Variants in EHBP1L1 observed in about 807,000 individuals in gnomAD.
The protein encoded by EHBP1L1 is EH domain-binding protein 1-like protein 1.
A neutral mutation model predicts 151.1 loss-of-function variants in EHBP1L1; 122 were observed. The ratio of observed to expected loss-of-function variants is 0.81; its 90% CI spans 0.70 to 0.94. The LOEUF (loss-of-function observed/expected upper bound fraction) is 0.94. EHBP1L1 is among the 40% of genes least tolerant of loss of function. The probability of loss-of-function intolerance (pLI) is 0.00; values close to 1 mark genes in which losing one functional copy is unlikely to be tolerated. For synonymous variants in EHBP1L1, 878 were observed against 810.1 expected (o/e 1.08, Z -1.42); for missense variants, 1,941 against 1,959.8 (o/e 0.99, Z 0.18).
rs1217032386 is a variant in EHBP1L1, at chr11:65,592,621, A to G, written c.*319A>G. On this transcript the variant is annotated 3_prime_UTR_variant, in exon 19 of 19. Transcript: ENST00000309295. ...GCGCTGGCTTGCCCTCCTGTTCTCC[A>G]GAGCAATAAAGTTGGACGAGACTAC... is the stretch of plus-strand genomic sequence containing the variant. 3 of 248,622 alleles carry G rather than the reference A, an allele frequency of 1.2e-5. No homozygotes were observed. The highest frequency in any genetic ancestry group is 2.4e-5 in the Non-Finnish European group (3 of 127,338). 15.4% of individuals were successfully genotyped at this position (248,622 alleles called of 1,614,324 possible). A position where few individuals can be genotyped will look rare whatever the true frequency, so the allele number is the denominator to read the frequency against.
rs562185657 is a variant in EHBP1L1 at position 65,584,226 on chromosome 11, C to G, written c.3094-15C>G. ...CCCATTTATACATTCCCTAAGCCCACCCCTGTGTCCTCAGGCACCACCTGC... is the reference window on the plus strand; with the variant it reads ...CCCATTTATACATTCCCTAAGCCCAGCCCTGTGTCCTCAGGCACCACCTGC... On this transcript the variant is annotated splice_polypyrimidine_tract_variant and intron_variant, in intron 9 of 18. Transcript: ENST00000309295. 1 of 1,604,038 alleles carries G rather than the reference C, an allele frequency of 6.2e-7. No individual in the cohort carries two copies. Among genetic ancestry groups the G allele is most frequent in the South Asian group, 1.1e-5 (1 of 89,904 alleles).
intron 1 of EHBP1L1, among the ~76,000 whole-genome samples, chr11:65,576,730 G>C (rs1186420247): frequency 6.6e-6 from 1 of 152,158 alleles, no homozygotes; most frequent in Non-Finnish European, 1.5e-5. Context: ...AGGTGGTTCA[G>C]GGTGGCATTG....
In EHBP1L1 at chr11:65,580,001, G is replaced by T; in HGVS notation, c.312+12G>T. 1 of 1,613,898 alleles carries T rather than the reference G, an allele frequency of 6.2e-7. No individual in the cohort carries two copies. Among genetic ancestry groups the T allele is most frequent in the Non-Finnish European group, 8.5e-7 (1 of 1,179,864 alleles). ...TTATTATTGAAAATGTGAGTGTCTG[G>T]AGTGGGCTCAGGTCTGGAATCTTGG... On this transcript the variant is annotated intron_variant, in intron 4 of 18. Coordinates refer to ENST00000309295, the MANE Select transcript of EHBP1L1 (RefSeq NM_001099409.3).
In EHBP1L1 at chr11:65,591,789, C is replaced by CCCCCCAAACCA; in HGVS notation, c.4284-10_4284-9insCCCCAAACCAC. The CCCCCCAAACCA allele has an allele frequency of 6.5e-7, 1 of 1,540,440 alleles. No individual in the cohort carries two copies. The highest frequency in any genetic ancestry group is 8.8e-7 in the Non-Finnish European group (1 of 1,140,910). On this transcript the variant is annotated splice_polypyrimidine_tract_variant and intron_variant, in intron 16 of 18. Transcript: ENST00000309295. ...CCACCCCCCCGCCACCCACCCCCCG[C>CCCCCCAAACCA]CACCTTCCAGCATGGAGGAGCAGGA...
At chr11:65,579,580 A>G in intron 3 of EHBP1L1, 144 bp downstream of exon 3, 1 of 698,426 alleles carries the variant, frequency 1.4e-6, no homozygotes, top group East Asian at 2.8e-5. Context: ...CCTGCTCAGC[A>G]TCACTGGCCC....
intron 12 of EHBP1L1, among the ~76,000 whole-genome samples, chr11:65,587,372 A>AAC (rs1858027687): frequency 7.8e-6 from 1 of 128,390 alleles, no homozygotes; most frequent in African/African-American, 3.8e-5. Context: ...ACTCCGTCTC[A>AAC]AAAAAAAAAA....
intron 12 of EHBP1L1, 143 bp from the exon 13 acceptor site, chr11:65,589,608 A>C: frequency 1.5e-6 from 2 of 1,315,436 alleles, no homozygotes; most frequent in Non-Finnish European, 2.0e-6. Flanking sequence ...GGTTCTGTGC[A>C]TGCAGGACTA....
At chr11:65,591,564 C>T (rs1048183934) in intron 16 of EHBP1L1, 6 of 596,494 alleles carry the variant, frequency 1.0e-5, no homozygotes, top group South Asian at 5.9e-5. Context: ...CTTCGGGGGT[C>T]CTTCTGGGGG....
At chr11:65,577,545 G>A (rs904009557) in intron 1 of EHBP1L1, among the ~76,000 whole-genome samples, 8 of 152,166 alleles carry the variant, frequency 5.3e-5, no homozygotes, top group African/African-American at 1.9e-4. Flanking sequence ...AGTCACAGGC[G>A]GCTGTGGGTA....
Position 65,579,341 on chromosome 11 carries a change from G to GC in EHBP1L1, c.166dup (p.His56ProfsTer21). ...GGAGGACTCAGATTGTCCCTTGTAG[G>GC]CCCACAGCTGGCAGCCGGGCATCCA... On this transcript the variant is annotated frameshift_variant and splice_region_variant, in exon 3 of 19. Transcript: ENST00000309295. LOFTEE classifies it high-confidence loss of function. 6.4e-7 allele frequency: 1 copy of GC among 1,551,256 alleles called. No homozygotes were observed. The highest frequency in any genetic ancestry group is 1.2e-5 in the South Asian group (1 of 81,932).
Position 65,578,928 on chromosome 11 carries a change from G to A in EHBP1L1, c.105-150G>A, listed in dbSNP as rs1308814496. 3.8e-5 allele frequency: 29 copies of A among 757,240 alleles called. No individual in the cohort carries two copies. In the East Asian group the frequency reaches 7.0e-4, roughly 18 times the overall value. The allele number at this position is 757,240 out of a possible 1,614,324, so 46.9% of individuals were successfully genotyped here. ...CCCTGCACCCTGTGGCCCCAGATAA[G>A]GGGCTGCCCAGGCCCTCTTCTGGAG... On this transcript the variant is annotated intron_variant, in intron 1 of 18. Transcript: ENST00000309295.
rs763639316 is a variant in EHBP1L1, at chr11:65,581,067, G to A, written c.644G>A (p.Arg215Gln). 2.1e-5 allele frequency: 34 copies of A among 1,610,186 alleles called. No homozygotes were observed. The highest frequency in any genetic ancestry group is 1.3e-4 in the South Asian group (12 of 90,484). Residue 215 changes from arginine to glutamine, a missense_variant, in exon 7 of 19, where the codon CGA becomes CAA. Arg to Gln is a conservative substitution (Grantham distance 43). Coordinates refer to ENST00000309295, the MANE Select transcript of EHBP1L1 (RefSeq NM_001099409.3). Reference protein sequence around the residue: ...RARVPQPDPSRELKTLCEEEE... With the variant: ...RARVPQPDPSQELKTLCEEEE... The stretch of plus-strand genomic sequence containing the variant: ...CTCCTACCATTCCCAGATCCCTCTC[G>A]AGAGCTGAAGACGCTTTGTGAGGAG...
At chr11:65,587,164 G>A (rs1484800587) in intron 12 of EHBP1L1, among the ~76,000 whole-genome samples, 4 of 152,204 alleles carry the variant, frequency 2.6e-5, no homozygotes, top group Admixed American at 6.5e-5. Context: ...CACGAGGTCA[G>A]GAGATCAAGA....
At chr11:65,589,398 A>C (rs1858139956) in intron 12 of EHBP1L1, among the ~76,000 whole-genome samples, 1 of 152,052 alleles carries the variant, frequency 6.6e-6, no homozygotes. Context: ...TCTCAAAAAA[A>C]GAGAGTAGGG....
Position 65,581,826 on chromosome 11 carries a change from A to G in EHBP1L1, c.1154A>G (p.Asp385Gly), listed in dbSNP as rs751255816. Residue 385 changes from aspartate to glycine, a missense_variant, in exon 9 of 19, where the codon GAC (aspartate) becomes GGC (glycine). Asp to Gly is a moderately conservative substitution (Grantham distance 94). Transcript: ENST00000309295. ...AAGGCTGAAGAGATGGACACTGAGG[A>G]CAGGCCAGAGGCCAGTGGGGTGGAC... is the stretch of plus-strand genomic sequence containing the variant. Reference protein sequence around the residue: ...RLKAEEMDTEDRPEASGVDTE... With the variant: ...RLKAEEMDTEGRPEASGVDTE... 1.9e-6 allele frequency: 3 copies of G among 1,613,548 alleles called. No individual in the cohort carries two copies. The highest frequency in any genetic ancestry group is 2.2e-5 in the South Asian group (2 of 91,062).
rs368657331 is a variant in EHBP1L1, at chr11:65,590,535, T to C, written c.4226T>C (p.Phe1409Ser). ...GAGGAGGTGCTGATCCAGGAGTGGTTCACCCTGGTCAACAAGAAGAACGCT... is the reference window on the plus strand; with the variant it reads ...GAGGAGGTGCTGATCCAGGAGTGGTCCACCCTGGTCAACAAGAAGAACGCT... ...LQEEVLIQEW[F>S]TLVNKKNALI... Residue 1409 changes from phenylalanine to serine, a missense_variant, in exon 16 of 19, where the codon TTC becomes TCC. Transcript: ENST00000309295. The C allele has an allele frequency of 1.9e-6, 3 of 1,613,482 alleles. No individual in the cohort carries two copies. The highest frequency in any genetic ancestry group is 2.5e-6 in the Non-Finnish European group (3 of 1,179,834).
At chr11:65,579,576 C>T in intron 3 of EHBP1L1, 140 bp downstream of exon 3, 1 of 705,190 alleles carries the variant, frequency 1.4e-6, no homozygotes, top group Non-Finnish European at 2.2e-6. Context: ...GGGGCCTGCT[C>T]AGCATCACTG....
In EHBP1L1 at chr11:65,576,424, G is replaced by T. The variant is rs775569839; in HGVS notation, c.104+18G>T. 1 of 1,550,992 alleles carries T rather than the reference G, an allele frequency of 6.4e-7. No homozygotes were observed. The highest frequency in any genetic ancestry group is 1.2e-5 in the South Asian group (1 of 84,254). On this transcript the variant is annotated intron_variant, in intron 1 of 18. Transcript: ENST00000309295. ...AAGAAATGGTGAGTGGGAGGGAGGCGGGGGGGCTCCCCCGAACTTGCTGGG... is the reference window on the plus strand; with the variant it reads ...AAGAAATGGTGAGTGGGAGGGAGGCTGGGGGGCTCCCCCGAACTTGCTGGG...
chr11:65,590,901 C>T (rs963685042), intron 16 of EHBP1L1, among the ~76,000 whole-genome samples: 2 of 151,964 alleles, frequency 1.3e-5, no homozygotes, highest in Non-Finnish European at 1.5e-5. Flanking sequence ...TATGGTGGCA[C>T]GCGCCTGTAA....
Sources: gnomAD v4.1 joint callset for allele counts (sites outside exome capture counted in the v4.1 genomes callset) on GRCh38, gnomAD v4.1.1 for gene constraint, MANE v1.5 for transcripts, NCBI Gene and HGNC (gene_info 2026-07-23, HGNC 2026-07-21) for gene names.